MYO1C: variants seen among roughly 807,000 people sequenced by gnomAD.
MYO1C encodes unconventional myosin-Ic.
MYO1C carries 104 observed loss-of-function variants against 150.8 expected under a neutral mutation model. The observed-to-expected ratio is 0.69, with a 90% confidence interval of 0.59 to 0.81. MYO1C has a LOEUF of 0.81. MYO1C is among the 30% of genes least tolerant of loss of function. The pLI is 0.00. For missense variants in MYO1C, 1,504 were observed against 1,435.0 expected, an observed-to-expected ratio of 1.05 and a Z score of -0.78; for synonymous variants, 663 against 579.9, an observed-to-expected ratio of 1.14 and a Z score of -2.06.
intron 30 of MYO1C, 60 bp from the exon 31 acceptor site, chr17:1,467,401 G>A: frequency 6.3e-7 from 1 of 1,595,658 alleles, no homozygotes; most frequent in South Asian, 1.1e-5. Flanking sequence ...CCCTAAGGTG[G>A]ACCCCCACCC....
intron 23 of MYO1C, 48 bp downstream of exon 23, chr17:1,470,387 C>G: frequency 6.5e-7 from 1 of 1,542,166 alleles, no homozygotes; most frequent in Non-Finnish European, 8.8e-7. Context: ...CGGTGAACCA[C>G]CCCCCACGCC....
chr17:1,478,573 G>A lies in MYO1C; in HGVS notation c.1212+43C>T, dbSNP rs549057064. ...TGCAGCACCCCCCGCCTCGCCGACG[G>A]CCCTCCCTTCTGCCTTGGGAGCAGT... On this transcript the variant is annotated intron_variant, in intron 10 of 31. Transcript: ENST00000648651. This position sits in a 1 kb window ranked among gnomAD's most constrained non-coding sequence, Gnocchi z 6.3. The A allele has an allele frequency of 6.2e-7, 1 of 1,613,896 alleles. No homozygotes were observed. Among genetic ancestry groups the A allele is most frequent in the African/African-American group, 1.3e-5 (1 of 75,048 alleles).
rs1468819066 is a variant in MYO1C at position 1,479,410 on chromosome 17, A to C, written c.1092+21T>G. 2 of 1,177,684 alleles carry C rather than the reference A, an allele frequency of 1.7e-6. No homozygotes were observed. Among genetic ancestry groups the C allele is most frequent in the Non-Finnish European group, 1.2e-6 (1 of 813,848 alleles). The allele number at this position is 1,177,684 out of a possible 1,614,324, so 73.0% of individuals were successfully genotyped here. On this transcript the variant is annotated intron_variant, in intron 9 of 31. Transcript: ENST00000648651. This position sits in a 1 kb window ranked among gnomAD's most constrained non-coding sequence, Gnocchi z 4.2. ...TGGAACAGCTGCCCCTCCACACCCG[A>C]GGGCAAGGGCCCGGCCTCACCTCCT... is the stretch of plus-strand genomic sequence containing the variant.
rs1286637884 is a variant in MYO1C at position 1,472,155 on chromosome 17, C to T, written c.1871G>A (p.Arg624His). ...TTTGGCATCATTGGGTTTGATGCAG[C>T]GGACGTAGGCGGGCTCCTTAGACTG... ...ILQSKEPAYV[R>H]CIKPNDAKQP... The change falls in exon 18 of 32, where the codon CGC becomes CAC. Residue 624 changes from arginine to histidine, a missense_variant. Physicochemically the swap from Arg to His is conservative, Grantham distance 29 (BLOSUM62 0). Coordinates refer to ENST00000648651, the MANE Select transcript of MYO1C (RefSeq NM_001080779.2). 9 of 1,613,986 alleles carry T rather than the reference C, an allele frequency of 5.6e-6. No individual in the cohort carries two copies. The highest frequency in any genetic ancestry group is 7.6e-6 in the Non-Finnish European group (9 of 1,179,996).
At chr17:1,483,152 G>A in intron 3 of MYO1C, 93 bp from the exon 4 acceptor site, 1 of 1,291,296 alleles carries the variant, frequency 7.7e-7, no homozygotes, top group Non-Finnish European at 1.1e-6. Context: ...GTCCTCTTGT[G>A]GGAGTCGAAT....
At position 1,465,250 on chromosome 17, in the gene MYO1C, A is replaced by G. The variant is rs1567510085; in HGVS notation, c.*476T>C. The G allele has an allele frequency of 6.5e-6, 1 of 153,344 alleles. No homozygotes were observed. Among genetic ancestry groups the G allele is most frequent in the Non-Finnish European group, 1.5e-5 (1 of 68,664 alleles). The allele number at this position is 153,344 out of a possible 1,614,324, so 9.5% of individuals were successfully genotyped here. ...AAACAGACAGAAAGACAAGGTGCCA[A>G]GGGAATCAGGAGGAGAGGTGTCCTG... is the stretch of plus-strand genomic sequence containing the variant. On this transcript the variant is annotated 3_prime_UTR_variant, in exon 32 of 32. Coordinates refer to ENST00000648651, the MANE Select transcript of MYO1C (RefSeq NM_001080779.2).
At chr17:1,477,717 C>A in intron 13 of MYO1C, 121 bp from the exon 14 acceptor site, 1 of 988,812 alleles carries the variant, frequency 1.0e-6, no homozygotes, top group Admixed American at 1.8e-5. Context: ...GGAGTCTCCA[C>A]AGAGAGCTTC....
In MYO1C at chr17:1,483,671, A is replaced by C. The variant is rs1308166968; in HGVS notation, c.286T>G (p.Tyr96Asp). The C allele has an allele frequency of 6.2e-7, 1 of 1,613,354 alleles. No homozygotes were observed. Among genetic ancestry groups the C allele is most frequent in the Admixed American group, 1.7e-5 (1 of 59,906 alleles). ...TAACGCTCCATATGCTGCCGGCTGT[A>C]GATCTGCAGGTCCCGGTAGGGATTG... ...SVNPYRDLQI[Y>D]SRQHMERYRG... The change falls in exon 3 of 32, where the codon TAC (tyrosine) becomes GAC (aspartate). Residue 96 changes from tyrosine to aspartate, a missense_variant. Tyr to Asp is a radical substitution (Grantham distance 160). Transcript: ENST00000648651.
rs988458048 is a variant in MYO1C, at chr17:1,483,518, G to A, written c.347+92C>T. The stretch of plus-strand genomic sequence containing the variant: ...ATTCCTCACAGATGTGGCGCGGGAC[G>A]CCAGGATCATTTCAGAGTAAGGTAA... On this transcript the variant is annotated intron_variant, in intron 3 of 31. Coordinates refer to ENST00000648651, the MANE Select transcript of MYO1C (RefSeq NM_001080779.2). 20 of 927,990 alleles carry A rather than the reference G, an allele frequency of 2.2e-5. No homozygotes were observed. The African/African-American group carries it at 2.3e-4, about 11-fold the overall frequency. 57.5% of individuals were successfully genotyped at this position (927,990 alleles called of 1,614,324 possible).
chr17:1,489,310 C>T (rs146391024), intron 1 of MYO1C, among the ~76,000 whole-genome samples: 1 of 152,344 alleles, frequency 6.6e-6, no homozygotes, highest in East Asian at 1.9e-4. Context: ...TGGTCAAGGA[C>T]TGTCCATTCT....
At chr17:1,492,320 C>T in intron 1 of MYO1C, 93 bp downstream of exon 1, 1 of 1,309,100 alleles carries the variant, frequency 7.6e-7, no homozygotes, top group South Asian at 1.3e-5. Flanking sequence ...CTCCCCGCTG[C>T]TCAGCTCTTG....
In MYO1C at chr17:1,467,345, G is replaced by T. The variant is rs371942534; in HGVS notation, c.3066-4C>A. The T allele has an allele frequency of 6.2e-7, 1 of 1,611,526 alleles. No homozygotes were observed. The highest frequency in any genetic ancestry group is 8.5e-7 in the Non-Finnish European group (1 of 1,179,026). ...GGGGCCCCCTGCAAACGTGATGCTG[G>T]GGGAACGGGGTGGGTGAGGGTTTTT... On this transcript the variant is annotated splice_region_variant and splice_polypyrimidine_tract_variant and intron_variant, in intron 30 of 31. Coordinates refer to ENST00000648651, the MANE Select transcript of MYO1C (RefSeq NM_001080779.2).
chr17:1,475,000 G>T lies in MYO1C; in HGVS notation c.1607C>A (p.Ser536Tyr). Residue 536 changes from serine to tyrosine, a missense_variant, in exon 15 of 32, where the codon TCT becomes TAT. By Grantham distance (144) the Ser-to-Tyr change is moderately radical. Transcript: ENST00000648651. ...HKLADQRTRK[S>Y]LGRGEFRLLH... Reference sequence around the variant, plus strand: ...AAGGCGGAATTCCCCTCGGCCCAGAGATTTCCTGGTCCGCTGGTCAGCCAG... The same window carrying T: ...AAGGCGGAATTCCCCTCGGCCCAGATATTTCCTGGTCCGCTGGTCAGCCAG... 6.4e-7 allele frequency: 1 copy of T among 1,554,868 alleles called. No homozygotes were observed. Among genetic ancestry groups the T allele is most frequent in the Non-Finnish European group, 8.7e-7 (1 of 1,148,724 alleles).
Position 1,478,282 on chromosome 17 carries a change from G to T in MYO1C, c.1296-90C>A. ...CTGGACGACGCCCCTGAGCACAGGA[G>T]GTGAGAAACACAGAGACAGTCCCCG... On this transcript the variant is annotated intron_variant, in intron 11 of 31. Transcript: ENST00000648651. The surrounding 1 kb of genome is among the most constrained non-coding windows in gnomAD (Gnocchi z 6.3). The T allele has an allele frequency of 6.4e-7, 1 of 1,552,692 alleles. No individual in the cohort carries two copies.
At position 1,479,085 on chromosome 17, in the gene MYO1C, C is replaced by T. The variant is rs1005422976; in HGVS notation, c.1092+346G>A. Among the ~76,000 whole-genome samples, 5 of 152,142 alleles carry T rather than the reference C, an allele frequency of 3.3e-5. No homozygotes were observed. Among genetic ancestry groups the T allele is most frequent in the African/African-American group, 4.8e-5 (2 of 41,430 alleles). Reference sequence around the variant, plus strand: ...TCTCGGCTCACTGCAACCTCCACCTCCCGGGTTCAAGCGATTCTCCTGCCT... The same window carrying T: ...TCTCGGCTCACTGCAACCTCCACCTTCCGGGTTCAAGCGATTCTCCTGCCT... On this transcript the variant is annotated intron_variant, in intron 9 of 31. Transcript: ENST00000648651. This position sits in a 1 kb window ranked among gnomAD's most constrained non-coding sequence, Gnocchi z 4.2.
At position 1,478,882 on chromosome 17, in the gene MYO1C, G is replaced by C. The variant is rs969940745; in HGVS notation, c.1093-147C>G. On this transcript the variant is annotated intron_variant, in intron 9 of 31. Transcript: ENST00000648651. The surrounding 1 kb of genome is among the most constrained non-coding windows in gnomAD (Gnocchi z 6.3). ...CAGTATGGGGAGGGGTGCTGGTAGT[G>C]GGACCTCAGGGAGGACAGGTGGCCA... 4 of 1,316,888 alleles carry C rather than the reference G, an allele frequency of 3.0e-6. No homozygotes were observed. The highest frequency in any genetic ancestry group is 4.2e-6 in the Non-Finnish European group (4 of 950,858). 81.6% of individuals were successfully genotyped at this position (1,316,888 alleles called of 1,614,324 possible). A position where few individuals can be genotyped will look rare whatever the true frequency, so the allele number is the denominator to read the frequency against.
chr17:1,492,530 G>A lies in MYO1C; in HGVS notation c.-43C>T. The A allele has an allele frequency of 6.4e-7, 1 of 1,556,550 alleles. No individual in the cohort carries two copies. The highest frequency in any genetic ancestry group is 1.9e-5 in the Admixed American group (1 of 53,716). ...CAGCGGCCTGGGCACCGCGGCCTGT[G>A]AGCAAGAGCTGCCTGCCCACTGGCG... is the stretch of plus-strand genomic sequence containing the variant. On this transcript the variant is annotated 5_prime_UTR_variant, in exon 1 of 32. Coordinates refer to ENST00000648651, the MANE Select transcript of MYO1C (RefSeq NM_001080779.2).
chr17:1,485,977 C>G (rs2074648937), intron 1 of MYO1C: 1 of 154,968 alleles, frequency 6.5e-6, no homozygotes, highest in African/African-American at 2.4e-5. Context: ...GTCAGGTTTT[C>G]CAGGAGGGAC....
chr17:1,490,426 A>G (rs2074716064), intron 1 of MYO1C, among the ~76,000 whole-genome samples: 1 of 152,166 alleles, frequency 6.6e-6, no homozygotes, highest in African/African-American at 2.4e-5. Context: ...TGAACCCGGC[A>G]GGTGGAGGTT....
Sources: gnomAD v4.1 joint callset for allele counts (sites outside exome capture counted in the v4.1 genomes callset) on GRCh38, gnomAD v4.1.1 for gene constraint, Gnocchi (gnomAD v3.1) non-coding constraint, MANE v1.5 for transcripts, NCBI Gene and HGNC (gene_info 2026-07-23, HGNC 2026-07-21) for gene names.